Variants in SGCZ observed in about 807,000 individuals in gnomAD.
SGCZ encodes zeta-sarcoglycan.
A neutral mutation model predicts 41.3 loss-of-function variants in SGCZ; 40 were observed. That is an observed-to-expected ratio of 0.97 (90% CI 0.75 to 1.26). The LOEUF is 1.26. SGCZ is among the 50% of genes most tolerant of loss of function. The probability of loss-of-function intolerance (pLI) is 0.00; values close to 1 mark genes in which losing one functional copy is unlikely to be tolerated. For missense variants in SGCZ, 552 were observed against 369.8 expected (o/e 1.49, Z -4.04); for synonymous variants, 206 against 137.5 (o/e 1.50, Z -3.49).
At chr8:14,402,449 T>G (rs1392057091) in intron 2 of SGCZ, among the ~76,000 whole-genome samples, 1 of 151,714 alleles carries the variant, frequency 6.6e-6, no homozygotes, top group Non-Finnish European at 1.5e-5. Flanking sequence ...TTAATCCATC[T>G]TGAATTGATT....
intron 1 of SGCZ, among the ~76,000 whole-genome samples, chr8:15,012,640 AAAAC>A (rs376401345): frequency 4.9e-5 from 4 of 81,172 alleles, no homozygotes; most frequent in Non-Finnish European, 7.5e-5. Flanking sequence ...ATAAACATAT[AAAAC>A]TATATATAAT....
chr8:14,326,388 A>G (rs1279689452), intron 2 of SGCZ, among the ~76,000 whole-genome samples: 1 of 152,158 alleles, frequency 6.6e-6, no homozygotes, highest in East Asian at 1.9e-4. Flanking sequence ...AATACGTTAT[A>G]GAAAAATTTT....
chr8:14,846,707 A>C (rs935167134), intron 1 of SGCZ, among the ~76,000 whole-genome samples: 1,665 of 66,556 alleles, frequency 0.025, 17 homozygotes, highest in African/African-American at 0.04. Context: ...TAAATCCAAA[A>C]AAAAAAAAAA....
chr8:14,405,723 T>G (rs11985101), intron 2 of SGCZ, among the ~76,000 whole-genome samples: 20,427 of 152,170 alleles, frequency 0.13, 3,007 homozygotes, highest in African/African-American at 0.36. Context: ...TGATTTCAAA[T>G]TATATTGTAC....
intron 1 of SGCZ, among the ~76,000 whole-genome samples, chr8:15,160,466 T>C (rs1260747317): frequency 1.3e-5 from 2 of 152,190 alleles, no homozygotes; most frequent in African/African-American, 4.8e-5. Flanking sequence ...AGACGAGAAT[T>C]TTGAACAGGA....
chr8:15,026,214 CA>C (rs1182678036), intron 1 of SGCZ, among the ~76,000 whole-genome samples: 8 of 151,838 alleles, frequency 5.3e-5, no homozygotes, highest in African/African-American at 1.9e-4. Flanking sequence ...AGAAAATTCT[CA>C]GACTGGTTAA....
intron 3 of SGCZ, among the ~76,000 whole-genome samples, chr8:14,317,667 A>G (rs1004742217): frequency 1.3e-5 from 2 of 151,978 alleles, no homozygotes; most frequent in African/African-American, 4.8e-5. Context: ...ACAACACGAA[A>G]GAGGTTTAGA....
chr8:15,019,868 G>A (rs915897047), intron 1 of SGCZ, among the ~76,000 whole-genome samples: 9 of 148,702 alleles, frequency 6.1e-5, no homozygotes, highest in African/African-American at 7.5e-5. Context: ...TACTAGATTC[G>A]AAAGACAGTT....
intron 1 of SGCZ, among the ~76,000 whole-genome samples, chr8:14,774,040 A>C (rs1369047281): frequency 6.6e-6 from 1 of 152,234 alleles, no homozygotes; most frequent in Non-Finnish European, 1.5e-5. Flanking sequence ...TATGCAGTCA[A>C]GCATTATTCC....
intron 1 of SGCZ, among the ~76,000 whole-genome samples, chr8:14,718,420 C>T (rs1459691151): frequency 6.6e-6 from 1 of 151,962 alleles, no homozygotes; most frequent in Non-Finnish European, 1.5e-5. Flanking sequence ...TACGACTAAT[C>T]ATGTGATGCT....
chr8:14,551,248 T>G (rs910625776), intron 2 of SGCZ, among the ~76,000 whole-genome samples: 6 of 147,046 alleles, frequency 4.1e-5, no homozygotes, highest in African/African-American at 1.5e-4. Context: ...TAGAAAGAAT[T>G]TATTTAGAAT....
chr8:14,107,932 C>G (rs866640797), intron 6 of SGCZ, among the ~76,000 whole-genome samples: 2 of 152,118 alleles, frequency 1.3e-5, no homozygotes, highest in Non-Finnish European at 2.9e-5. Context: ...TGTGAGCCAC[C>G]GTGCCCGGCC....
chr8:14,665,768 A>G (rs1807891035), intron 1 of SGCZ, among the ~76,000 whole-genome samples: 1 of 152,204 alleles, frequency 6.6e-6, no homozygotes, highest in Non-Finnish European at 1.5e-5. Flanking sequence ...TATTCTTCTA[A>G]TGTCTGTGTA....
At chr8:14,653,969 C>G (rs906163064) in intron 1 of SGCZ, among the ~76,000 whole-genome samples, 5 of 152,046 alleles carry the variant, frequency 3.3e-5, no homozygotes, top group Admixed American at 1.3e-4. Context: ...ATGCAGATGA[C>G]TATAAACTTT....
At chr8:15,041,367 G>C (rs1255343629) in intron 1 of SGCZ, among the ~76,000 whole-genome samples, 1 of 151,694 alleles carries the variant, frequency 6.6e-6, no homozygotes, top group Non-Finnish European at 1.5e-5. Context: ...TCATAATATA[G>C]AATGCATTTT....
intron 2 of SGCZ, among the ~76,000 whole-genome samples, chr8:14,397,895 A>G (rs1798964658): frequency 6.6e-6 from 1 of 152,100 alleles, no homozygotes; most frequent in Non-Finnish European, 1.5e-5. Flanking sequence ...TCATCAAGAC[A>G]ACCTTGCCCT....
intron 1 of SGCZ, among the ~76,000 whole-genome samples, chr8:15,121,496 G>T (rs1189427812): frequency 9.2e-5 from 14 of 152,154 alleles, no homozygotes; most frequent in Admixed American, 9.2e-4. Flanking sequence ...AGGCAACAGT[G>T]CTAGGCAAAA....
chr8:14,839,800 A>C (rs993218790), intron 1 of SGCZ, among the ~76,000 whole-genome samples: 1 of 152,134 alleles, frequency 6.6e-6, no homozygotes, highest in Non-Finnish European at 1.5e-5. Context: ...ACAAACATTT[A>C]GTTATTTATG....
chr8:14,244,806 C>T (rs764633181), intron 3 of SGCZ, among the ~76,000 whole-genome samples: 4 of 152,100 alleles, frequency 2.6e-5, no homozygotes, highest in Admixed American at 2.0e-4. Flanking sequence ...AGAGGTCCTT[C>T]AAGTCCCATG....
Sources: gnomAD v4.1 joint callset for allele counts (sites outside exome capture counted in the v4.1 genomes callset) on GRCh38, gnomAD v4.1.1 for gene constraint, MANE v1.5 for transcripts, NCBI Gene and HGNC (gene_info 2026-07-23, HGNC 2026-07-21) for gene names.